The following RABGAP1L variants were observed in gnomAD, a reference collection of about 807,000 sequenced individuals.
RABGAP1L encodes RAB GTPase activating protein 1 like, also known as rab GTPase-activating protein 1-like.
A neutral mutation model predicts 137.7 loss-of-function variants in RABGAP1L; 63 were observed. The observed-to-expected ratio is 0.46, with a 90% confidence interval of 0.37 to 0.56. The LOEUF is 0.56. RABGAP1L is among the 20% of genes least tolerant of loss of function. RABGAP1L has a pLI of 0.00. For missense variants in RABGAP1L, 1,095 were observed against 1,244.0 expected (o/e 0.88, Z 1.80); for synonymous variants, 431 against 433.7 (o/e 0.99, Z 0.08).
chr1:174,583,905 G>A (rs1391967950), intron 13 of RABGAP1L, among the ~76,000 whole-genome samples: 1 of 152,170 alleles, frequency 6.6e-6, no homozygotes, highest in Admixed American at 6.6e-5. Context: ...AATTGTGGTG[G>A]GTTAGTAGGG....
At chr1:174,636,974 A>G (rs1002478202) in intron 13 of RABGAP1L, among the ~76,000 whole-genome samples, 1 of 152,218 alleles carries the variant, frequency 6.6e-6, no homozygotes, top group Non-Finnish European at 1.5e-5. Flanking sequence ...CTATATCCAG[A>G]TATACCTTAT....
At chr1:174,892,566 A>C in intron 19 of RABGAP1L, 1 of 528,774 alleles carries the variant, frequency 1.9e-6, no homozygotes, top group South Asian at 1.4e-5. Flanking sequence ...ATTGAATGGA[A>C]CTCAAGGGTG....
At chr1:174,164,110 C>T (rs1039657557) in intron 1 of RABGAP1L, among the ~76,000 whole-genome samples, 1 of 149,934 alleles carries the variant, frequency 6.7e-6, no homozygotes, top group African/African-American at 2.5e-5. Context: ...CCCTACCTGC[C>T]CCCCAACCCA....
Position 174,728,594 on chromosome 1 carries a change from CT to C in RABGAP1L, c.2170-23698del, listed in dbSNP as rs1294397296. 6.7e-3 allele frequency among the ~76,000 whole-genome samples: 770 copies of C among 114,618 alleles called. 2 individuals are homozygous for C. The highest frequency in any genetic ancestry group is 0.024 in the Middle Eastern group (5 of 210). 75.2% of individuals were successfully genotyped at this position (114,618 alleles called of 152,430 possible). ...GCTATTCCTATCAAACTACCAGTGTCTTTTTTTTTTTTTTTTTTTTTGAGAT... is the reference window on the plus strand; with the variant it reads ...GCTATTCCTATCAAACTACCAGTGTCTTTTTTTTTTTTTTTTTTTTGAGAT... On this transcript the variant is annotated intron_variant, in intron 17 of 25. Transcript: ENST00000681986.
At chr1:174,442,534 T>G (rs1188346337) in intron 13 of RABGAP1L, among the ~76,000 whole-genome samples, 2 of 152,168 alleles carry the variant, frequency 1.3e-5, no homozygotes, top group Non-Finnish European at 2.9e-5. Flanking sequence ...GAATAGGACC[T>G]TCTACTCTTT....
At chr1:174,540,303 TC>T (rs1186101200) in intron 13 of RABGAP1L, among the ~76,000 whole-genome samples, 1 of 152,224 alleles carries the variant, frequency 6.6e-6, no homozygotes, top group Admixed American at 6.5e-5. Flanking sequence ...TTTAATTAAA[TC>T]CCATTTATCT....
intron 13 of RABGAP1L, among the ~76,000 whole-genome samples, chr1:174,447,943 G>GTCTTCACT (rs1558242774): frequency 1.5e-5 from 2 of 132,378 alleles, no homozygotes; most frequent in Admixed American, 1.9e-4. Flanking sequence ...GCTGAACTGA[G>GTCTTCACT]GCTGGTGAAG....
chr1:174,815,275 G>A (rs949196036), intron 19 of RABGAP1L, among the ~76,000 whole-genome samples: 6 of 152,150 alleles, frequency 3.9e-5, no homozygotes, highest in Admixed American at 1.3e-4. Context: ...TGTGCTGGCA[G>A]TTGGAAATTT....
intron 13 of RABGAP1L, among the ~76,000 whole-genome samples, chr1:174,535,305 ACT>A (rs1664811082): frequency 1.3e-5 from 2 of 151,930 alleles, no homozygotes; most frequent in African/African-American, 4.8e-5. Context: ...GAGGCCTGAA[ACT>A]CTGTAGGTCT....
At chr1:174,432,988 A>C (rs978586374) in intron 13 of RABGAP1L, among the ~76,000 whole-genome samples, 6 of 152,240 alleles carry the variant, frequency 3.9e-5, no homozygotes, top group Non-Finnish European at 7.3e-5. Context: ...TAGAAATCTT[A>C]CTGATGGTAA....
intron 18 of RABGAP1L, among the ~76,000 whole-genome samples, chr1:174,760,498 A>T (rs1685131940): frequency 6.6e-6 from 1 of 152,220 alleles, no homozygotes; most frequent in Non-Finnish European, 1.5e-5. Flanking sequence ...GCTGCAAAGG[A>T]CATGATCTCA....
chr1:174,755,983 T>C (rs1684719901), intron 18 of RABGAP1L, among the ~76,000 whole-genome samples: 1 of 152,202 alleles, frequency 6.6e-6, no homozygotes, highest in South Asian at 2.1e-4. Flanking sequence ...TTACAATTTC[T>C]CCATTTTTTA....
At chr1:174,957,219 A>G (rs1002815165) in intron 19 of RABGAP1L, among the ~76,000 whole-genome samples, 8 of 152,218 alleles carry the variant, frequency 5.3e-5, no homozygotes, top group African/African-American at 1.9e-4. Context: ...TTTGTATAAT[A>G]ATGACAGAGT....
chr1:174,241,537 G>T lies in RABGAP1L; in HGVS notation c.597G>T (p.Val199=), dbSNP rs774132128. ...TAGCATCTTTTCCAATCTATAAGGT[G>T]TTATTCTGTGCACGTGGACATGACG... ...VEIASFPIYK[V]LFCARGHDGT... The change falls in exon 5 of 26, where the codon GTG becomes GTT. Residue 199 remains valine, a synonymous_variant. Coordinates refer to ENST00000681986, the MANE Select transcript of RABGAP1L (RefSeq NM_001366446.1). 5.0e-6 allele frequency: 8 copies of T among 1,612,916 alleles called. No homozygotes were observed.
chr1:174,870,092 T>C (rs1281643394), intron 19 of RABGAP1L, among the ~76,000 whole-genome samples: 2 of 152,244 alleles, frequency 1.3e-5, no homozygotes, highest in East Asian at 1.9e-4. Context: ...CTTTCTCTAA[T>C]GGCATAAATG....
chr1:174,748,610 C>T (rs927595600), intron 17 of RABGAP1L, among the ~76,000 whole-genome samples: 3 of 151,998 alleles, frequency 2.0e-5, no homozygotes, highest in African/African-American at 7.3e-5. Flanking sequence ...GTGGCTCATG[C>T]CCTTAATCTT....
intron 13 of RABGAP1L, among the ~76,000 whole-genome samples, chr1:174,540,186 G>T (rs1665258407): frequency 6.6e-6 from 1 of 152,126 alleles, no homozygotes; most frequent in Admixed American, 6.6e-5. Context: ...GTAGATTCTG[G>T]ATATTAGCCC....
At chr1:174,184,726 C>T (rs1416073411) in intron 1 of RABGAP1L, among the ~76,000 whole-genome samples, 3 of 152,122 alleles carry the variant, frequency 2.0e-5, no homozygotes, top group East Asian at 3.9e-4. Context: ...CCATATAAAA[C>T]TAAAAAATGA....
intron 13 of RABGAP1L, among the ~76,000 whole-genome samples, chr1:174,635,064 TAAAA>T (rs201569900): frequency 0.011 from 1,597 of 150,656 alleles, 23 homozygotes; most frequent in African/African-American, 0.035. Context: ...AATAAAAAAA[TAAAA>T]AAAGAAAAAA....
Sources: gnomAD v4.1 joint callset for allele counts (sites outside exome capture counted in the v4.1 genomes callset) on GRCh38, gnomAD v4.1.1 for gene constraint, MANE v1.5 for transcripts, NCBI Gene and HGNC (gene_info 2026-07-23, HGNC 2026-07-21) for gene names.